Variants in ARAP2 observed in about 807,000 individuals in gnomAD.
ARAP2 encodes the protein arf-GAP with Rho-GAP domain, ANK repeat and PH domain-containing protein 2.
A neutral mutation model predicts 194.5 loss-of-function variants in ARAP2; 148 were observed. The observed-to-expected ratio is 0.76, with a 90% CI of 0.67 to 0.87. ARAP2 has a LOEUF of 0.87. Among genes scored for constraint, ARAP2 ranks in the 40% least tolerant of loss-of-function variants. The pLI is 0.00. For synonymous variants in ARAP2, 695 were observed against 683.5 expected (o/e 1.02, Z -0.26); for missense variants, 2,128 against 1,989.7 (o/e 1.07, Z -1.32).
At chr4:36,146,499 C>T (rs1729647726) in intron 19 of ARAP2, among the ~76,000 whole-genome samples, 1 of 151,924 alleles carries the variant, frequency 6.6e-6, no homozygotes, top group African/African-American at 2.4e-5. Flanking sequence ...TCCCAGCCAC[C>T]ACAGCTTCCT....
intron 28 of ARAP2, among the ~76,000 whole-genome samples, chr4:36,085,990 G>T (rs982611588): frequency 6.6e-6 from 1 of 151,990 alleles, no homozygotes; most frequent in Admixed American, 6.6e-5. Flanking sequence ...CTAGTATGAG[G>T]TAGCTTTGTA....
rs567459476 is a variant in ARAP2, at chr4:36,092,710, C to T, written c.4286-690G>A. Among the ~76,000 whole-genome samples the T allele has an allele frequency of 3.9e-3, 588 of 152,152 alleles. 7 individuals are homozygous for T. The highest frequency in any genetic ancestry group is 4.7e-3 in the Non-Finnish European group (321 of 67,968). ...GATATGTGATATTAAATAAAACATA[C>T]TGGTAATTTTACCTGTTTCTTTTTA... On this transcript the variant is annotated intron_variant, in intron 27 of 32. Transcript: ENST00000303965.
rs372054639 is a variant in ARAP2 at position 36,128,503 on chromosome 4, C to CACAT, written c.3640+29_3640+30insATGT. 7.8e-3 allele frequency: 11,745 copies of CACAT among 1,511,632 alleles called. 74 individuals are homozygous for CACAT. Among genetic ancestry groups the CACAT allele is most frequent in the East Asian group, 0.065 (2,858 of 43,778 alleles). The allele number at this position is 1,511,632 out of a possible 1,614,324, so 93.6% of individuals were successfully genotyped here. Reference sequence around the variant, plus strand: ...ACACACACACACACACACACACACACATATCTACAAATATCTGTATAAATA... The same window carrying CACAT: ...ACACACACACACACACACACACACACACATATATCTACAAATATCTGTATAAATA... On this transcript the variant is annotated intron_variant, in intron 21 of 32. Transcript: ENST00000303965.
Position 36,082,536 on chromosome 4 carries a change from A to G in ARAP2, c.4509-250T>C, listed in dbSNP as rs572502641. ...AGAGAGGAGATGTCTCTGAGAAGAT[A>G]CTCTTAACTGAATAAGGCCAAATGT... On this transcript the variant is annotated intron_variant, in intron 29 of 32. Coordinates refer to ENST00000303965, the MANE Select transcript of ARAP2 (RefSeq NM_015230.4). Among the ~76,000 whole-genome samples, 7 of 152,216 alleles carry G rather than the reference A, an allele frequency of 4.6e-5. No homozygotes were observed. The South Asian group carries it at 6.2e-4, about 14-fold the overall frequency.
At chr4:36,048,971 T>C (rs1431599777) in intron 3 of ARAP2, among the ~76,000 whole-genome samples, 4 of 152,136 alleles carry the variant, frequency 2.6e-5, no homozygotes, top group Non-Finnish European at 5.9e-5. Context: ...ATTGGTCTTA[T>C]ATGTCTGTCT....
chr4:36,140,533 T>C (rs1190617490), intron 19 of ARAP2, among the ~76,000 whole-genome samples: 1 of 151,734 alleles, frequency 6.6e-6, no homozygotes, highest in Non-Finnish European at 1.5e-5. Context: ...CAAGCTTATA[T>C]TGTGGGCAAT....
At chr4:36,068,764 G>A (rs927183936) in intron 32 of ARAP2, among the ~76,000 whole-genome samples, 1 of 152,156 alleles carries the variant, frequency 6.6e-6, no homozygotes, top group African/African-American at 2.4e-5. Flanking sequence ...GCTAGGCTAG[G>A]CTAAGCTACA....
chr4:36,061,149 T>C (rs1008144243), downstream of ARAP2, among the ~76,000 whole-genome samples: 24 of 152,286 alleles, frequency 1.6e-4, no homozygotes, highest in African/African-American at 5.8e-4. Context: ...AGGGAAGCAA[T>C]GTTTACTAAT....
intron 19 of ARAP2, among the ~76,000 whole-genome samples, chr4:36,135,765 A>T (rs1223811537): frequency 1.3e-5 from 2 of 151,850 alleles, no homozygotes; most frequent in African/African-American, 2.4e-5. Context: ...TTAGGTAAAG[A>T]GAAAAAACTT....
intron 5 of ARAP2, among the ~76,000 whole-genome samples, chr4:36,036,775 G>C (rs901361157): frequency 6.6e-6 from 1 of 151,992 alleles, no homozygotes; most frequent in Non-Finnish European, 1.5e-5. Context: ...TGCTAGTATA[G>C]CTACAAAACC....
At chr4:36,017,407 T>G (rs1716020581) in intron 6 of ARAP2, among the ~76,000 whole-genome samples, 1 of 151,196 alleles carries the variant, frequency 6.6e-6, no homozygotes, top group East Asian at 1.9e-4. Context: ...TAAACCATTC[T>G]GTATGTCAGG....
Position 36,229,318 on chromosome 4 carries a change from G to A in ARAP2, c.169C>T (p.Arg57Cys), listed in dbSNP as rs1014608445. ...QKIGISPTGHRRRILKQLQII... is the reference protein window; with the variant it reads ...QKIGISPTGHCRRILKQLQII... ...TGTAACTGTTTAAGTATCCTCCTAC[G>A]GTGACCTGTAGGTGATATTCCAATT... Residue 57 changes from arginine (R) to cysteine (C), a missense_variant, in exon 2 of 33, where the codon CGT (arginine) becomes TGT (cysteine). Physicochemically the swap from Arg to Cys is radical, Grantham distance 180 (BLOSUM62 -3). Coordinates refer to ENST00000303965, the MANE Select transcript of ARAP2 (RefSeq NM_015230.4). The A allele has an allele frequency of 1.1e-5, 17 of 1,613,790 alleles. No individual in the cohort carries two copies. The highest frequency in any genetic ancestry group is 3.3e-5 in the South Asian group (3 of 91,058).
chr4:36,053,103 G>A (rs947158649), intron 2 of ARAP2, among the ~76,000 whole-genome samples: 4 of 151,652 alleles, frequency 2.6e-5, no homozygotes, highest in African/African-American at 9.7e-5. Flanking sequence ...CGCCTCCCGG[G>A]TTCAAGCGAT....
At chr4:36,017,563 G>GAAAAAAAAAA (rs1560270898) in intron 6 of ARAP2, among the ~76,000 whole-genome samples, 4 of 6,530 alleles carry the variant, frequency 6.1e-4, no homozygotes, top group African/African-American at 1.5e-3. Flanking sequence ...TAAGAAAGTG[G>GAAAAAAAAAA]TAAAAAAAAA....
Position 36,067,386 on chromosome 4 carries a change from C to A in ARAP2, c.*521G>T, listed in dbSNP as rs1344987243. 1 of 152,648 alleles carries A rather than the reference C, an allele frequency of 6.6e-6. No homozygotes were observed. Among genetic ancestry groups the A allele is most frequent in the Non-Finnish European group, 1.5e-5 (1 of 68,052 alleles). The allele number at this position is 152,648 out of a possible 1,614,324, so 9.5% of individuals were successfully genotyped here. A position where few individuals can be genotyped will look rare whatever the true frequency, so the allele number is the denominator to read the frequency against. On this transcript the variant is annotated 3_prime_UTR_variant, in exon 33 of 33. Coordinates refer to ENST00000303965, the MANE Select transcript of ARAP2 (RefSeq NM_015230.4). ...TAACTCCTTGCTTCTTTTAAAAACT[C>A]CAGTGGTTTTTAGGCAGCCACTACA... is the stretch of plus-strand genomic sequence containing the variant.
At chr4:36,116,855 G>A (rs66482161) in intron 25 of ARAP2, among the ~76,000 whole-genome samples, 8,771 of 151,720 alleles carry the variant, frequency 0.058, 404 homozygotes, top group East Asian at 0.12. Context: ...ATCTTAACAC[G>A]TAATCCAAAG....
At chr4:36,020,714 G>A (rs1443286848) in intron 5 of ARAP2, among the ~76,000 whole-genome samples, 2 of 152,310 alleles carry the variant, frequency 1.3e-5, no homozygotes, top group African/African-American at 2.4e-5. Flanking sequence ...TGGATAAGTC[G>A]AGACTGCTGG....
rs534883770 is a variant in ARAP2 at position 36,185,900 on chromosome 4, C to T, written c.1678+1551G>A. Among the ~76,000 whole-genome samples the T allele has an allele frequency of 6.6e-5, 10 of 151,814 alleles. No homozygotes were observed. In the East Asian group the frequency reaches 1.7e-3, roughly 26 times the overall value. ...GGCTGAGCCAGGACAATCGCTTGAACCCATGAGGCGGAGGTTGCAGTGAGC... is the reference window on the plus strand; with the variant it reads ...GGCTGAGCCAGGACAATCGCTTGAATCCATGAGGCGGAGGTTGCAGTGAGC... On this transcript the variant is annotated intron_variant, in intron 8 of 32. Coordinates refer to ENST00000303965, the MANE Select transcript of ARAP2 (RefSeq NM_015230.4).
rs1385622622 is a variant in ARAP2, at chr4:36,112,670, A to G, written c.4156+1500T>C. 1.3e-5 allele frequency among the ~76,000 whole-genome samples: 2 copies of G among 151,920 alleles called. 1 individual carries two copies. Among genetic ancestry groups the G allele is most frequent in the East Asian group, 3.9e-4 (2 of 5,126 alleles). On this transcript the variant is annotated intron_variant, in intron 26 of 32. Coordinates refer to ENST00000303965, the MANE Select transcript of ARAP2 (RefSeq NM_015230.4). ...ATTTTATGGCTCCTATATACTAGGC[A>G]CTATGCTAGACATTAGAGATTTAAA...
Sources: allele counts gnomAD v4.1 joint callset (sites outside exome capture counted in the v4.1 genomes callset), GRCh38; gene constraint gnomAD v4.1.1; transcripts MANE v1.5; gene names NCBI Gene and HGNC (gene_info 2026-07-23, HGNC 2026-07-21).